The following FBXO16 variants were observed in gnomAD, a reference collection of about 807,000 sequenced individuals.
FBXO16 encodes the protein F-box only protein 16.
A neutral mutation model predicts 41.0 loss-of-function variants in FBXO16; 31 were observed. That is an observed-to-expected ratio of 0.76 (90% CI 0.57 to 1.02). The LOEUF (loss-of-function observed/expected upper bound fraction) is 1.02. FBXO16 is among the 50% of genes least tolerant of loss of function. The pLI, the probability that FBXO16 is intolerant of heterozygous loss-of-function variation, is 0.00. For missense variants in FBXO16, 361 were observed against 346.2 expected (o/e 1.04, Z -0.34); for synonymous variants, 133 against 117.8 (o/e 1.13, Z -0.84).
At chr8:28,444,603 G>A (rs1403267780) in intron 7 of FBXO16, among the ~76,000 whole-genome samples, 14 of 148,382 alleles carry the variant, frequency 9.4e-5, no homozygotes, top group African/African-American at 2.7e-4. Flanking sequence ...TCAGCCTCCC[G>A]AGTAGCTTGG....
At chr8:28,474,193 G>T (rs1803381693) in intron 2 of FBXO16, among the ~76,000 whole-genome samples, 1 of 151,328 alleles carries the variant, frequency 6.6e-6, no homozygotes, top group South Asian at 2.1e-4. Flanking sequence ...GCGTGGTGGT[G>T]TGTCCCTGTA....
chr8:28,433,320 G>T (rs1264298731), intron 7 of FBXO16, among the ~76,000 whole-genome samples: 1 of 152,172 alleles, frequency 6.6e-6, no homozygotes, highest in Non-Finnish European at 1.5e-5. Flanking sequence ...AATTCTCCAG[G>T]GTTCTGTTCT....
In FBXO16 at chr8:28,444,779, CTTTTTTTTTTTT is replaced by C. The variant is rs71549666; in HGVS notation, c.843+2380_843+2391del. Among the ~76,000 whole-genome samples, 9 of 30,826 alleles carry C rather than the reference CTTTTTTTTTTTT, an allele frequency of 2.9e-4. No individual in the cohort carries two copies. In the East Asian group the frequency reaches 4.0e-3, roughly 14 times the overall value. The allele number at this position is 30,826 out of a possible 152,430, so 20.2% of individuals were successfully genotyped here. A position where few individuals can be genotyped will look rare whatever the true frequency, so the allele number is the denominator to read the frequency against. On this transcript the variant is annotated intron_variant, in intron 7 of 8. Transcript: ENST00000380254. ...ACAGGTGTGAGCCACCGCGCCCGGA[CTTTTTTTTTTTT>C]TTTTTTTTTTTTTGTATTTTTAGTA...
chr8:28,442,978 G>C (rs1416029509), intron 7 of FBXO16, among the ~76,000 whole-genome samples: 1 of 151,824 alleles, frequency 6.6e-6, no homozygotes, highest in East Asian at 1.9e-4. Context: ...TCAGTGATCT[G>C]ACAGCCACAT....
intron 1 of FBXO16, among the ~76,000 whole-genome samples, chr8:28,488,668 TA>T (rs1443741509): frequency 6.6e-6 from 1 of 152,090 alleles, no homozygotes; most frequent in Admixed American, 6.6e-5. Flanking sequence ...AGGCAGGTGT[TA>T]GGGGTACAAC....
In FBXO16 at chr8:28,444,576, C is replaced by T. The variant is rs374139590; in HGVS notation, c.843+2595G>A. On this transcript the variant is annotated intron_variant, in intron 7 of 8. Transcript: ENST00000380254. ...CTCACTGCAGCCTCCGCCCTGGGTT[C>T]ACGCCATTCTCCTGCCTCAGCCTCC... 1.0e-4 allele frequency among the ~76,000 whole-genome samples: 15 copies of T among 148,630 alleles called. No individual in the cohort carries two copies. In the East Asian group the frequency reaches 2.6e-3, roughly 25 times the overall value.
chr8:28,467,518 C>T (rs1029051873), intron 3 of FBXO16, among the ~76,000 whole-genome samples: 1 of 152,172 alleles, frequency 6.6e-6, no homozygotes, highest in South Asian at 2.1e-4. Context: ...TCATTGTAGA[C>T]ATGGCAGCTA....
At chr8:28,441,163 C>A (rs892720237) in intron 7 of FBXO16, among the ~76,000 whole-genome samples, 1 of 152,068 alleles carries the variant, frequency 6.6e-6, no homozygotes, top group Non-Finnish European at 1.5e-5. Flanking sequence ...ACTGTTCCCG[C>A]CTCTCTCCCC....
Position 28,456,644 on chromosome 8 carries a change from C to T in FBXO16, c.507+122G>A, listed in dbSNP as rs1208978560. On this transcript the variant is annotated intron_variant, in intron 5 of 8. Transcript: ENST00000380254. ...TCTCAGAAAAGGAGAATTTTGAAAT[C>T]ATAGTATATGTCCTTTGAACTACCT... 6 of 1,095,194 alleles carry T rather than the reference C, an allele frequency of 5.5e-6. No individual in the cohort carries two copies. The Admixed American group carries it at 1.4e-4, about 26-fold the overall frequency. 67.8% of individuals were successfully genotyped at this position (1,095,194 alleles called of 1,614,324 possible).
chr8:28,458,541 C>CT (rs1803073040), intron 4 of FBXO16, among the ~76,000 whole-genome samples: 1 of 121,048 alleles, frequency 8.3e-6, no homozygotes, highest in South Asian at 2.7e-4. Context: ...TCTTCTTCTT[C>CT]TTCTTTTTTT....
intron 6 of FBXO16, among the ~76,000 whole-genome samples, chr8:28,450,586 C>G (rs1802937205): frequency 6.6e-6 from 1 of 152,192 alleles, no homozygotes; most frequent in Non-Finnish European, 1.5e-5. Context: ...TGCACTATCT[C>G]TTGATTTTTC....
chr8:28,452,296 T>C lies in FBXO16; in HGVS notation c.688A>G (p.Ile230Val), dbSNP rs755301038. 2 of 1,614,066 alleles carry C rather than the reference T, an allele frequency of 1.2e-6. No individual in the cohort carries two copies. Among genetic ancestry groups the C allele is most frequent in the Non-Finnish European group, 1.7e-6 (2 of 1,180,024 alleles). The stretch of plus-strand genomic sequence containing the variant: ...CGGTTGTCTAGGTAATTAAAACGAA[T>C]GATATCTGTTGGGTGCTTATCAGAA... ...RSSDKHPTDI[I>V]RFNYLDNRDP... Residue 230 changes from isoleucine (I) to valine (V), a missense_variant, in exon 6 of 9, where the codon ATT becomes GTT. Coordinates refer to ENST00000380254, the MANE Select transcript of FBXO16 (RefSeq NM_172366.4).
intron 2 of FBXO16, among the ~76,000 whole-genome samples, chr8:28,476,113 T>A (rs1045529756): frequency 6.6e-6 from 1 of 152,112 alleles, no homozygotes; most frequent in African/African-American, 2.4e-5. Context: ...CAAGAGGAAG[T>A]TGAAGCATGG....
At chr8:28,432,742 T>G (rs574472422) in intron 7 of FBXO16, among the ~76,000 whole-genome samples, 1 of 152,134 alleles carries the variant, frequency 6.6e-6, no homozygotes, top group East Asian at 1.9e-4. Context: ...GCATTCCTAG[T>G]GCTGCCCTGG....
At chr8:28,485,571 T>C (rs1803589395) in intron 1 of FBXO16, among the ~76,000 whole-genome samples, 1 of 152,208 alleles carries the variant, frequency 6.6e-6, no homozygotes. Context: ...TGTAATATTC[T>C]CTCTCAGGAA....
At chr8:28,439,783 C>A (rs7464944) in intron 7 of FBXO16, among the ~76,000 whole-genome samples, 151,828 of 151,828 alleles carry the variant, frequency 1, 75,914 homozygotes, top group Non-Finnish European at 1. Flanking sequence ...AAAAAACCCC[C>A]AACACCTGAG....
At chr8:28,479,797 C>T (rs991504175) in intron 2 of FBXO16, among the ~76,000 whole-genome samples, 10 of 152,108 alleles carry the variant, frequency 6.6e-5, no homozygotes, top group African/African-American at 2.4e-4. Context: ...CGTGGCTTAC[C>T]CCAACCTCCA....
chr8:28,460,750 T>C (rs1387164166), intron 4 of FBXO16, among the ~76,000 whole-genome samples: 1 of 151,998 alleles, frequency 6.6e-6, no homozygotes, highest in African/African-American at 2.4e-5. Context: ...TTTTAACTTT[T>C]GTAGAGACAG....
Position 28,476,290 on chromosome 8 carries a change from T to C in FBXO16, c.100-2483A>G, listed in dbSNP as rs79851535. 3.2e-3 allele frequency among the ~76,000 whole-genome samples: 484 copies of C among 152,286 alleles called. 6 individuals are homozygous for C. In the East Asian group the frequency reaches 0.049, roughly 15 times the overall value. Reference sequence around the variant, plus strand: ...ACAGAGTCCACACAAGTCCAGCTCTTTACCAGAAGGCATCTAGACTCAAGT... The same window carrying C: ...ACAGAGTCCACACAAGTCCAGCTCTCTACCAGAAGGCATCTAGACTCAAGT... On this transcript the variant is annotated intron_variant, in intron 2 of 8. Transcript: ENST00000380254.
Sources: gnomAD v4.1 joint callset for allele counts (sites outside exome capture counted in the v4.1 genomes callset) on GRCh38, gnomAD v4.1.1 for gene constraint, MANE v1.5 for transcripts, NCBI Gene and HGNC (gene_info 2026-07-23, HGNC 2026-07-21) for gene names.